Variants in SPA17 observed in about 807,000 individuals in gnomAD.
The protein encoded by SPA17 is sperm surface protein Sp17.
In SPA17, 7 loss-of-function variants were observed where a neutral mutation model predicts 13.8. The observed-to-expected ratio is 0.51, with a 90% CI of 0.29 to 0.95. The LOEUF is 0.95. SPA17 is among the 40% of genes least tolerant of loss of function. The probability of loss-of-function intolerance (pLI) is 0.08; values close to 1 mark genes in which losing one functional copy is unlikely to be tolerated. For synonymous variants in SPA17, 61 were observed against 59.0 expected, an observed-to-expected ratio of 1.03 and a Z score of -0.16; for missense variants, 170 against 179.3, an observed-to-expected ratio of 0.95 and a Z score of 0.30.
At chr11:124,687,901 G>A (rs551923106) in intron 3 of SPA17, among the ~76,000 whole-genome samples, 39 of 152,074 alleles carry the variant, frequency 2.6e-4, no homozygotes, top group Non-Finnish European at 4.4e-4. Context: ...ATTTTCACCC[G>A]TCCTATTCAA....
At chr11:124,675,641 C>T (rs548865025) in intron 2 of SPA17, 4 of 435,868 alleles carry the variant, frequency 9.2e-6, no homozygotes, top group Non-Finnish European at 1.6e-5. Context: ...AGACCGTCTT[C>T]ATTGTATTTC....
Position 124,696,560 on chromosome 11 carries a change from G to A in SPA17, c.*2114G>A, listed in dbSNP as rs1263101237. 2 of 152,178 alleles carry A rather than the reference G, an allele frequency of 1.3e-5. No individual in the cohort carries two copies. Among genetic ancestry groups the A allele is most frequent in the African/African-American group, 2.4e-5 (1 of 41,430 alleles). 9.4% of individuals were successfully genotyped at this position (152,178 alleles called of 1,614,324 possible). A position where few individuals can be genotyped will look rare whatever the true frequency, so the allele number is the denominator to read the frequency against. ...GAAAAGGAAAAGGTGAGCAATGGAT[G>A]TGATATTATGAGAACAACACATATG... On this transcript the variant is annotated 3_prime_UTR_variant, in exon 5 of 5. Coordinates refer to ENST00000227135, the MANE Select transcript of SPA17 (RefSeq NM_017425.4).
At chr11:124,679,095 C>T (rs1195887045) in intron 2 of SPA17, among the ~76,000 whole-genome samples, 1 of 151,306 alleles carries the variant, frequency 6.6e-6, no homozygotes, top group Non-Finnish European at 1.5e-5. Flanking sequence ...CGAGATCGCA[C>T]CACTGCACTC....
At chr11:124,693,332 A>C (rs181471610) in intron 4 of SPA17, among the ~76,000 whole-genome samples, 2 of 152,338 alleles carry the variant, frequency 1.3e-5, no homozygotes, top group Admixed American at 1.3e-4. Flanking sequence ...ATCAAGGTAC[A>C]TCAGTATAAT....
At chr11:124,682,555 A>T (rs1943538371) in intron 3 of SPA17, among the ~76,000 whole-genome samples, 2 of 152,178 alleles carry the variant, frequency 1.3e-5, no homozygotes, top group South Asian at 4.1e-4. Context: ...TTTTAAAAAA[A>T]CCCTAACATA....
At position 124,694,294 on chromosome 11, in the gene SPA17, T is replaced by C; in HGVS notation, c.313-9T>C. On this transcript the variant is annotated splice_polypyrimidine_tract_variant and intron_variant, in intron 4 of 4. Transcript: ENST00000227135. ...AAAGAGTCTCTTACTTTTTCTCCTT[T>C]CGATGAAGGACTCTTCTGAGGAAGA... 1 of 1,605,098 alleles carries C rather than the reference T, an allele frequency of 6.2e-7. No homozygotes were observed. The highest frequency in any genetic ancestry group is 1.1e-5 in the South Asian group (1 of 88,086).
intron 3 of SPA17, among the ~76,000 whole-genome samples, chr11:124,682,432 G>T (rs1943537259): frequency 6.6e-6 from 1 of 151,950 alleles, no homozygotes; most frequent in South Asian, 2.1e-4. Flanking sequence ...TCAAAATACT[G>T]ATTTTTAAAT....
rs1309630214 is a variant in SPA17 at position 124,695,846 on chromosome 11, A to G, written c.*1400A>G. On this transcript the variant is annotated 3_prime_UTR_variant, in exon 5 of 5. Transcript: ENST00000227135. ...CTAAAACCAGGTCTATGTTGTCACA[A>G]CAAATACTCTCCTACAAACACTTTG... The G allele has an allele frequency of 6.6e-6, 1 of 152,244 alleles. No homozygotes were observed. The highest frequency in any genetic ancestry group is 1.5e-5 in the Non-Finnish European group (1 of 68,064). 9.4% of individuals were successfully genotyped at this position (152,244 alleles called of 1,614,324 possible).
rs1331964549 is a variant in SPA17 at position 124,691,705 on chromosome 11, C to G, written c.235C>G (p.Pro79Ala). 6.2e-7 allele frequency: 1 copy of G among 1,611,362 alleles called. No individual in the cohort carries two copies. The highest frequency in any genetic ancestry group is 2.2e-5 in the East Asian group (1 of 44,684). ...YNNHAFEEQEPPEKSDPKQEE... is the reference protein window; with the variant it reads ...YNNHAFEEQEAPEKSDPKQEE... Reference sequence around the variant, plus strand: ...TCTCCTATCTGTCCAGGAGCAAGAACCACCTGAGAAAAGTGATCCTAAACA... The same window carrying G: ...TCTCCTATCTGTCCAGGAGCAAGAAGCACCTGAGAAAAGTGATCCTAAACA... Residue 79 changes from proline (P) to alanine (A), a missense_variant, in exon 4 of 5, where the codon CCA (proline) becomes GCA (alanine). Transcript: ENST00000227135.
intron 3 of SPA17, among the ~76,000 whole-genome samples, chr11:124,688,606 A>G (rs1162610984): frequency 1.3e-5 from 2 of 152,252 alleles, no homozygotes; most frequent in Non-Finnish European, 2.9e-5. Flanking sequence ...ATGGAAAAGC[A>G]TCACAGGCTC....
chr11:124,690,214 G>T (rs1943612913), intron 3 of SPA17, among the ~76,000 whole-genome samples: 1 of 152,164 alleles, frequency 6.6e-6, no homozygotes, highest in African/African-American at 2.4e-5. Flanking sequence ...ATCAACCTAA[G>T]TATCTGTCCA....
intron 3 of SPA17, among the ~76,000 whole-genome samples, chr11:124,688,083 A>G (rs1591406870): frequency 6.6e-6 from 1 of 152,210 alleles, no homozygotes; most frequent in Admixed American, 6.5e-5. Flanking sequence ...GTGTAATCAT[A>G]GCTCACTGCA....
Position 124,691,777 on chromosome 11 carries a change from A to G in SPA17, c.307A>G (p.Ile103Val), listed in dbSNP as rs1943625510. The change falls in exon 4 of 5, where the codon ATC becomes GTC. Residue 103 changes from isoleucine (I) to valine (V), a missense_variant. Ile to Val is a conservative substitution (Grantham distance 29). Transcript: ENST00000227135. Reference sequence around the variant, plus strand: ...GAAGGAGGAAGAGACATCAGTCACCATCTTAGTATGTAATATTTTTCATGT... The same window carrying G: ...GAAGGAGGAAGAGACATCAGTCACCGTCTTAGTATGTAATATTTTTCATGT... ...SGKEEETSVT[I>V]LDSSEEDKEK... The G allele has an allele frequency of 6.2e-7, 1 of 1,601,034 alleles. No individual in the cohort carries two copies. The highest frequency in any genetic ancestry group is 8.5e-7 in the Non-Finnish European group (1 of 1,171,498).
intron 3 of SPA17, among the ~76,000 whole-genome samples, chr11:124,685,520 C>G (rs1279506227): frequency 6.6e-6 from 1 of 152,194 alleles, no homozygotes; most frequent in Non-Finnish European, 1.5e-5. Context: ...ACACAGAGTC[C>G]CCACTGGGGC....
chr11:124,695,493 G>A lies in SPA17; in HGVS notation c.*1047G>A, dbSNP rs918206230. On this transcript the variant is annotated 3_prime_UTR_variant, in exon 5 of 5. Coordinates refer to ENST00000227135, the MANE Select transcript of SPA17 (RefSeq NM_017425.4). ...TAGTGCCTTAGTTTTAGAAAGTTCCGTCTCTCCTTTTTGAGGCCTCTCCAC... is the reference window on the plus strand; with the variant it reads ...TAGTGCCTTAGTTTTAGAAAGTTCCATCTCTCCTTTTTGAGGCCTCTCCAC... 3 of 152,198 alleles carry A rather than the reference G, an allele frequency of 2.0e-5. No homozygotes were observed. Among genetic ancestry groups the A allele is most frequent in the South Asian group, 2.1e-4 (1 of 4,814 alleles). 9.4% of individuals were successfully genotyped at this position (152,198 alleles called of 1,614,324 possible).
In SPA17 at chr11:124,696,753, A is replaced by G. The variant is rs138417866; in HGVS notation, c.*2307A>G. 57 of 152,232 alleles carry G rather than the reference A, an allele frequency of 3.7e-4. No homozygotes were observed. The highest frequency in any genetic ancestry group is 1.3e-3 in the African/African-American group (55 of 41,536). The allele number at this position is 152,232 out of a possible 1,614,324, so 9.4% of individuals were successfully genotyped here. Reference sequence around the variant, plus strand: ...CACTCACTTGATTTCCTGCAGTTTCATAGCTTTAAAATCCAATCTTCTTAA... The same window carrying G: ...CACTCACTTGATTTCCTGCAGTTTCGTAGCTTTAAAATCCAATCTTCTTAA... On this transcript the variant is annotated 3_prime_UTR_variant, in exon 5 of 5. Transcript: ENST00000227135.
intron 3 of SPA17, among the ~76,000 whole-genome samples, chr11:124,684,031 G>A (rs1943553191): frequency 6.6e-6 from 1 of 152,182 alleles, no homozygotes; most frequent in South Asian, 2.1e-4. Flanking sequence ...GAGGGATGCA[G>A]TGGGAGGTAA....
intron 3 of SPA17, among the ~76,000 whole-genome samples, chr11:124,684,239 G>T (rs779233032): frequency 3.9e-5 from 6 of 151,916 alleles, no homozygotes; most frequent in Non-Finnish European, 8.8e-5. Context: ...TTTCTTCATA[G>T]CAGTGTAAGA....
chr11:124,694,296 G>A lies in SPA17; in HGVS notation c.313-7G>A, dbSNP rs199883810. On this transcript the variant is annotated splice_region_variant and splice_polypyrimidine_tract_variant and intron_variant, in intron 4 of 4. Transcript: ENST00000227135. Reference sequence around the variant, plus strand: ...AGAGTCTCTTACTTTTTCTCCTTTCGATGAAGGACTCTTCTGAGGAAGATA... The same window carrying A: ...AGAGTCTCTTACTTTTTCTCCTTTCAATGAAGGACTCTTCTGAGGAAGATA... 173 of 1,603,716 alleles carry A rather than the reference G, an allele frequency of 1.1e-4. No homozygotes were observed. Among genetic ancestry groups the A allele is most frequent in the Admixed American group, 1.9e-4 (11 of 57,128 alleles).
Sources: allele counts gnomAD v4.1 joint callset (sites outside exome capture counted in the v4.1 genomes callset), GRCh38; gene constraint gnomAD v4.1.1; transcripts MANE v1.5; gene names NCBI Gene and HGNC (gene_info 2026-07-23, HGNC 2026-07-21).